CCDC3: variants seen among roughly 807,000 people sequenced by gnomAD.
CCDC3 encodes the protein coiled-coil domain-containing protein 3.
Under a neutral mutation model 21.4 loss-of-function variants are expected in CCDC3, and 24 were observed. The observed-to-expected ratio is 1.12, with a 90% CI of 0.81 to 1.58. CCDC3 has a LOEUF of 1.58. Ranked by LOEUF, CCDC3 falls within the 40% of genes most tolerant of loss-of-function variation. The probability of loss-of-function intolerance (pLI) is 0.00; values close to 1 mark genes in which losing one functional copy is unlikely to be tolerated. For synonymous variants in CCDC3, 186 were observed against 166.0 expected (o/e 1.12, Z -0.93); for missense variants, 425 against 360.9 (o/e 1.18, Z -1.44).
At chr10:12,951,462 C>T (rs1835007091) in intron 2 of CCDC3, among the ~76,000 whole-genome samples, 1 of 152,166 alleles carries the variant, frequency 6.6e-6, no homozygotes, top group Non-Finnish European at 1.5e-5. Context: ...CCGGGGGTCT[C>T]TACCAGCATC....
At chr10:12,953,524 T>A (rs191040685) in intron 2 of CCDC3, among the ~76,000 whole-genome samples, 16 of 152,252 alleles carry the variant, frequency 1.1e-4, no homozygotes, top group African/African-American at 3.9e-4. Context: ...AGATCTGTGG[T>A]TGATTGTGTT....
intron 3 of CCDC3, among the ~76,000 whole-genome samples, chr10:13,093,877 C>A (rs1832603638): frequency 6.6e-6 from 1 of 152,134 alleles, no homozygotes; most frequent in African/African-American, 2.4e-5. Flanking sequence ...GACAGCCAGG[C>A]CATTTTTCAC....
At chr10:12,909,945 C>G (rs1834239864) in intron 2 of CCDC3, among the ~76,000 whole-genome samples, 1 of 152,198 alleles carries the variant, frequency 6.6e-6, no homozygotes, top group East Asian at 1.9e-4. Context: ...GGGTGTGTGC[C>G]TGTATCCTCA....
In CCDC3 at chr10:12,897,996, A is replaced by G. The variant is rs1044911995; in HGVS notation, c.*420T>C. 6.2e-6 allele frequency: 1 copy of G among 162,002 alleles called. No homozygotes were observed. The highest frequency in any genetic ancestry group is 1.4e-5 in the Non-Finnish European group (1 of 74,010). The allele number at this position is 162,002 out of a possible 1,614,324, so 10.0% of individuals were successfully genotyped here. On this transcript the variant is annotated 3_prime_UTR_variant, in exon 3 of 3. Coordinates refer to ENST00000378825, the MANE Select transcript of CCDC3 (RefSeq NM_031455.4). ...TTCCAGCACCAGCGTCAGCTCACTCATCAGGACTAATGGTTGTCCTGGACT... is the reference window on the plus strand; with the variant it reads ...TTCCAGCACCAGCGTCAGCTCACTCGTCAGGACTAATGGTTGTCCTGGACT...
At chr10:13,073,569 C>A (rs1007041007) in intron 4 of CCDC3, among the ~76,000 whole-genome samples, 1 of 124,672 alleles carries the variant, frequency 8.0e-6, no homozygotes, top group African/African-American at 2.6e-5. Flanking sequence ...CAACCTCCCC[C>A]TCCTAGGCTC....
At chr10:12,917,762 A>G (rs1834382785) in intron 2 of CCDC3, among the ~76,000 whole-genome samples, 5 of 152,170 alleles carry the variant, frequency 3.3e-5, no homozygotes, top group Admixed American at 3.3e-4. Flanking sequence ...GGCTGTAATC[A>G]TTTCAGATGA....
intron 2 of CCDC3, among the ~76,000 whole-genome samples, chr10:12,969,904 G>A (rs1170673589): frequency 6.6e-6 from 1 of 151,970 alleles, no homozygotes; most frequent in Admixed American, 6.6e-5. Context: ...GTATAAAAAA[G>A]TCAAACTCAT....
chr10:13,048,860 T>C (rs910426541), intron 5 of CCDC3, among the ~76,000 whole-genome samples: 18 of 152,198 alleles, frequency 1.2e-4, no homozygotes, highest in Admixed American at 2.6e-4. Context: ...TCTGAAAACA[T>C]ATGCCTGTCT....
At chr10:13,077,461 T>C (rs12355022) in intron 3 of CCDC3, among the ~76,000 whole-genome samples, 112,704 of 151,376 alleles carry the variant, frequency 0.74, 42,256 homozygotes, top group Middle Eastern at 0.83. Context: ...TTCAATGCCA[T>C]CCCCATTAAG....
At chr10:12,981,741 AC>A (rs2131271943) in intron 2 of CCDC3, among the ~76,000 whole-genome samples, 1 of 152,238 alleles carries the variant, frequency 6.6e-6, no homozygotes, top group East Asian at 1.9e-4. Context: ...CAAAGCTCTG[AC>A]TTTAGTTACT....
intron 3 of CCDC3, among the ~76,000 whole-genome samples, chr10:13,091,538 T>C (rs1832570444): frequency 6.6e-6 from 1 of 152,210 alleles, no homozygotes; most frequent in Non-Finnish European, 1.5e-5. Context: ...CCACTCTGTT[T>C]ATGGTATTTT....
At chr10:13,090,496 A>G (rs1832552521) in intron 3 of CCDC3, among the ~76,000 whole-genome samples, 1 of 152,204 alleles carries the variant, frequency 6.6e-6, no homozygotes, top group African/African-American at 2.4e-5. Context: ...GGTCTCTGAG[A>G]AGGACTAAGT....
chr10:13,061,073 T>C (rs1290969876), intron 4 of CCDC3, among the ~76,000 whole-genome samples: 1 of 152,230 alleles, frequency 6.6e-6, no homozygotes, highest in African/African-American at 2.4e-5. Flanking sequence ...TTTCTAAATC[T>C]GTAAAACAGT....
At chr10:13,015,045 T>C (rs1430749597) in intron 5 of CCDC3, among the ~76,000 whole-genome samples, 1 of 152,082 alleles carries the variant, frequency 6.6e-6, no homozygotes, top group East Asian at 1.9e-4. Context: ...CACAAACATA[T>C]TTTTAAACAT....
chr10:13,018,259 G>T (rs1403512427), intron 5 of CCDC3, among the ~76,000 whole-genome samples: 3 of 152,070 alleles, frequency 2.0e-5, no homozygotes, highest in African/African-American at 7.2e-5. Context: ...GACAGTGGAA[G>T]AGTGGAACAA....
chr10:13,069,139 C>T (rs1311525321), intron 4 of CCDC3, among the ~76,000 whole-genome samples: 1 of 152,200 alleles, frequency 6.6e-6, no homozygotes, highest in Non-Finnish European at 1.5e-5. Context: ...CCTGTAATCC[C>T]AGCTACTCGG....
chr10:13,046,886 A>G (rs2131422215), intron 5 of CCDC3, among the ~76,000 whole-genome samples: 1 of 152,174 alleles, frequency 6.6e-6, no homozygotes, highest in Middle Eastern at 3.4e-3. Context: ...AAAGCAAAGA[A>G]TTAGAAATCA....
chr10:13,014,216 G>T (rs1313788301), intron 5 of CCDC3, among the ~76,000 whole-genome samples: 1 of 151,696 alleles, frequency 6.6e-6, no homozygotes, highest in East Asian at 1.9e-4. Flanking sequence ...CACTTTGGGA[G>T]GCTGAGGCGG....
At chr10:13,012,730 C>T (rs1044666519) in intron 5 of CCDC3, among the ~76,000 whole-genome samples, 3 of 151,922 alleles carry the variant, frequency 2.0e-5, no homozygotes, top group Non-Finnish European at 4.4e-5. Flanking sequence ...GAGATTGCAC[C>T]ACCGCACTCC....
Sources: allele counts gnomAD v4.1 joint callset (sites outside exome capture counted in the v4.1 genomes callset), GRCh38; gene constraint gnomAD v4.1.1; transcripts MANE v1.5; gene names NCBI Gene and HGNC (gene_info 2026-07-23, HGNC 2026-07-21).